The following KPNA3 variants were observed in gnomAD, a reference collection of about 807,000 sequenced individuals.
KPNA3 encodes the protein importin subunit alpha-4.
KPNA3 carries 13 observed loss-of-function variants against 73.8 expected under a neutral mutation model. The ratio of observed to expected loss-of-function variants is 0.18; its 90% CI spans 0.11 to 0.28. The LOEUF (loss-of-function observed/expected upper bound fraction) is 0.28, where lower values mean the gene tolerates loss of function less well. Ranked by LOEUF, KPNA3 falls within the 10% of genes least tolerant of loss-of-function variation. The pLI, the probability that KPNA3 is intolerant of heterozygous loss-of-function variation, is 1.00. For missense variants in KPNA3, 360 were observed against 618.1 expected, an observed-to-expected ratio of 0.58 and a Z score of 4.43; for synonymous variants, 186 against 206.9, an observed-to-expected ratio of 0.90 and a Z score of 0.87.
chr13:49,790,011 T>C (rs529148071), intron 1 of KPNA3, among the ~76,000 whole-genome samples: 1 of 152,334 alleles, frequency 6.6e-6, no homozygotes, highest in African/African-American at 2.4e-5. Flanking sequence ...ATTGTAATTA[T>C]CACCCCCACT....
At chr13:49,719,860 A>AATATGTCTG in intron 9 of KPNA3, 41 bp from the exon 10 acceptor site, 1 of 1,294,596 alleles carries the variant, frequency 7.7e-7, no homozygotes, top group Non-Finnish European at 1.1e-6. Flanking sequence ...TTAGTTAATT[A>AATATGTCTG]ATATGTCTGT....
At chr13:49,773,740 G>T (rs1250648381) in intron 1 of KPNA3, among the ~76,000 whole-genome samples, 1 of 152,148 alleles carries the variant, frequency 6.6e-6, no homozygotes, top group East Asian at 1.9e-4. Flanking sequence ...AACTCACACT[G>T]CTGAAGTCTA....
At chr13:49,754,906 G>A (rs912756117) in intron 1 of KPNA3, among the ~76,000 whole-genome samples, 3 of 152,042 alleles carry the variant, frequency 2.0e-5, no homozygotes, top group Admixed American at 6.6e-5. Context: ...TCCCTTCAGG[G>A]TTTGGATGGT....
rs750807231 is a variant in KPNA3 at position 49,732,376 on chromosome 13, A to G, written c.378T>C (p.Asp126=). 1 of 1,519,004 alleles carries G rather than the reference A, an allele frequency of 6.6e-7. No individual in the cohort carries two copies. The highest frequency in any genetic ancestry group is 1.8e-5 in the Admixed American group (1 of 54,658). The allele number at this position is 1,519,004 out of a possible 1,614,324, so 94.1% of individuals were successfully genotyped here. A position where few individuals can be genotyped will look rare whatever the true frequency, so the allele number is the denominator to read the frequency against. ...GGAGTAAAATCCATACTTACTTATC[A>G]TCCCTTTCTAGACATTTGACTAGAA... ...LPILVKCLER[D]DNPSLQFEAA... Residue 126 remains aspartate, a synonymous_variant, in exon 6 of 17, where the codon GAT becomes GAC. Transcript: ENST00000261667.
intron 1 of KPNA3, among the ~76,000 whole-genome samples, chr13:49,765,389 T>C (rs1325101586): frequency 2.0e-5 from 3 of 152,248 alleles, no homozygotes; most frequent in Non-Finnish European, 4.4e-5. Context: ...CATTACCTTT[T>C]TTGTCATAAC....
intron 4 of KPNA3, 25 bp downstream of exon 4, chr13:49,732,722 C>G (rs202122570): frequency 2.1e-5 from 34 of 1,582,768 alleles, no homozygotes; most frequent in Non-Finnish European, 2.8e-5. Flanking sequence ...TACTTCAAAA[C>G]GAGAGTATTA....
At chr13:49,780,054 C>A (rs559150846) in intron 1 of KPNA3, among the ~76,000 whole-genome samples, 1 of 152,224 alleles carries the variant, frequency 6.6e-6, no homozygotes, top group African/African-American at 2.4e-5. Flanking sequence ...TCTTTCCTCC[C>A]CTGCTCCTCT....
Position 49,705,759 on chromosome 13 carries a change from C to T in KPNA3, c.1234G>A (p.Val412Ile). ...DQVEYLVQQNVIPPFCNLLSV... is the reference protein window; with the variant it reads ...DQVEYLVQQNIIPPFCNLLSV... ...AGTAAATTACAGAACGGTGGTATTA[C>T]ATTCTGCTGTACAAGGTACTCAACC... The change falls in exon 15 of 17, where the codon GTA becomes ATA. Residue 412 changes from valine to isoleucine, a missense_variant. Coordinates refer to ENST00000261667, the MANE Select transcript of KPNA3 (RefSeq NM_002267.4). The T allele has an allele frequency of 6.2e-7, 1 of 1,613,524 alleles. No homozygotes were observed. The highest frequency in any genetic ancestry group is 1.1e-5 in the South Asian group (1 of 91,034).
At chr13:49,751,604 T>C (rs1954663935) in intron 1 of KPNA3, among the ~76,000 whole-genome samples, 1 of 152,056 alleles carries the variant, frequency 6.6e-6, no homozygotes, top group South Asian at 2.1e-4. Flanking sequence ...AAACTTAAAC[T>C]CCACAGACAA....
At chr13:49,706,032 A>G (rs912572735) in intron 14 of KPNA3, 66 bp downstream of exon 14, 22 of 1,407,866 alleles carry the variant, frequency 1.6e-5, no homozygotes, top group Admixed American at 2.0e-5. Context: ...AGCAACTACG[A>G]AACATAAGAG....
At chr13:49,754,926 G>T (rs139187351) in intron 1 of KPNA3, among the ~76,000 whole-genome samples, 54 of 152,146 alleles carry the variant, frequency 3.5e-4, no homozygotes, top group African/African-American at 1.1e-3. Context: ...TTTAACTAGA[G>T]AATTCTTCCA....
intron 1 of KPNA3, among the ~76,000 whole-genome samples, chr13:49,764,807 G>C (rs1377350779): frequency 6.7e-6 from 1 of 148,364 alleles, no homozygotes; most frequent in Non-Finnish European, 1.5e-5. Flanking sequence ...ACTAGTTCCT[G>C]TTCTCTTTTG....
intron 1 of KPNA3, among the ~76,000 whole-genome samples, chr13:49,787,826 C>T (rs1219187150): frequency 2.6e-5 from 4 of 151,870 alleles, no homozygotes; most frequent in East Asian, 1.9e-4. Flanking sequence ...ACTACAGGCA[C>T]GCGCCACCAT....
intron 1 of KPNA3, among the ~76,000 whole-genome samples, chr13:49,775,401 C>G (rs116162670): frequency 0.017 from 2,587 of 152,068 alleles, 57 homozygotes; most frequent in African/African-American, 0.059. Flanking sequence ...GGGTGGCCAC[C>G]CCTAGGGCAG....
chr13:49,702,610 G>C (rs542307182), intron 15 of KPNA3, 130 bp from the exon 16 acceptor site: 1 of 513,636 alleles, frequency 1.9e-6, no homozygotes. Flanking sequence ...TAAGATAGTG[G>C]TTTGTCTAAA....
chr13:49,761,208 C>CTCTCCCTCTCCCCACGG (rs1954756450), intron 1 of KPNA3, among the ~76,000 whole-genome samples: 1 of 151,844 alleles, frequency 6.6e-6, no homozygotes. Flanking sequence ...GTCCCTCTCC[C>CTCTCCCTCTCCCCACGG]TCTCCCTCTC....
chr13:49,724,289 G>A (rs189760772), intron 7 of KPNA3, among the ~76,000 whole-genome samples: 1 of 151,850 alleles, frequency 6.6e-6, no homozygotes, highest in Non-Finnish European at 1.5e-5. Context: ...GAGTAGAACT[G>A]CTGGGTCACA....
intron 2 of KPNA3, among the ~76,000 whole-genome samples, chr13:49,740,758 T>A (rs1228532811): frequency 1.3e-5 from 2 of 152,136 alleles, no homozygotes; most frequent in Non-Finnish European, 2.9e-5. Flanking sequence ...TTATCCCTCC[T>A]ATCTAACTGA....
intron 14 of KPNA3, 61 bp from the exon 15 acceptor site, chr13:49,705,844 G>T: frequency 7.2e-7 from 1 of 1,392,108 alleles, no homozygotes; most frequent in Non-Finnish European, 9.6e-7. Context: ...CCAGTAGGGT[G>T]TCGTGCTACA....
Sources: gnomAD v4.1 joint callset for allele counts (sites outside exome capture counted in the v4.1 genomes callset) on GRCh38, gnomAD v4.1.1 for gene constraint, MANE v1.5 for transcripts, NCBI Gene and HGNC (gene_info 2026-07-23, HGNC 2026-07-21) for gene names.